CAST: variants seen among roughly 807,000 people sequenced by gnomAD.
The protein encoded by CAST is MIR583 host.
A neutral mutation model predicts 119.6 loss-of-function variants in CAST; 76 were observed. The ratio of observed to expected loss-of-function variants is 0.64; its 90% CI spans 0.53 to 0.77. CAST has a LOEUF of 0.77. Ranked by LOEUF, CAST falls within the 30% of genes least tolerant of loss-of-function variation. CAST has a pLI of 0.00. For synonymous variants in CAST, 319 were observed against 331.6 expected, an observed-to-expected ratio of 0.96 and a Z score of 0.41; for missense variants, 953 against 946.5, an observed-to-expected ratio of 1.01 and a Z score of -0.09.
chr5:96,420,222 G>A, the CAST span, among the ~76,000 whole-genome samples: 8 of 152,206 alleles, frequency 5.3e-5, no homozygotes, highest in Non-Finnish European at 8.8e-5. Flanking sequence ...AAATGGAATA[G>A]AGGCAGAGAG....
At chr5:96,189,635 G>C in the CAST span, among the ~76,000 whole-genome samples, 1 of 152,046 alleles carries the variant, frequency 6.6e-6, no homozygotes, top group African/African-American at 2.4e-5. Flanking sequence ...GAACTTTGTG[G>C]ATTGATACTT....
the CAST span, chr5:95,961,745 G>A: frequency 6.4e-7 from 1 of 1,572,410 alleles, no homozygotes; most frequent in South Asian, 1.1e-5. Context: ...GGGTGCCGCC[G>A]CCGCCGCCGC....
chr5:96,768,582 G>T (rs1210552725), intron 29 of CAST, among the ~76,000 whole-genome samples: 1 of 151,968 alleles, frequency 6.6e-6, no homozygotes, highest in Non-Finnish European at 1.5e-5. Context: ...TTTCTTAACT[G>T]CTACTTTGTA....
intron 6 of CAST, among the ~76,000 whole-genome samples, chr5:96,727,939 T>C (rs1423100957): frequency 6.6e-6 from 1 of 152,042 alleles, no homozygotes; most frequent in Non-Finnish European, 1.5e-5. Context: ...GGCTTAGGGA[T>C]GAGAATCTTT....
chr5:96,494,143 A>G, the CAST span, among the ~76,000 whole-genome samples: 1 of 152,248 alleles, frequency 6.6e-6, no homozygotes, highest in African/African-American at 2.4e-5. Flanking sequence ...AAGCAATTCC[A>G]AGCAAACAGA....
the CAST span, among the ~76,000 whole-genome samples, chr5:96,456,838 C>A: frequency 6.6e-6 from 1 of 152,266 alleles, no homozygotes; most frequent in African/African-American, 2.4e-5. Context: ...GGGTAGTTCC[C>A]CCATCCTGTT....
intron 1 of CAST, among the ~76,000 whole-genome samples, chr5:96,641,076 G>A (rs55731125): frequency 0.081 from 12,324 of 152,098 alleles, 673 homozygotes; most frequent in African/African-American, 0.14. Context: ...TTACCCATTA[G>A]TTAAATTTCT....
intron 1 of CAST, among the ~76,000 whole-genome samples, chr5:96,579,994 T>C (rs1746742181): frequency 6.6e-6 from 1 of 152,158 alleles, no homozygotes; most frequent in African/African-American, 2.4e-5. Flanking sequence ...GGTCAAGAGG[T>C]GATTATTTTG....
At chr5:96,704,403 TTGAAAGAA>T (rs1236134307) in intron 3 of CAST, among the ~76,000 whole-genome samples, 4 of 152,226 alleles carry the variant, frequency 2.6e-5, no homozygotes, top group Non-Finnish European at 4.4e-5. Flanking sequence ...AAGTAACAGT[TTGAAAGAA>T]TGAAACCAGA....
Position 96,741,515 on chromosome 5 carries a change from G to T in CAST, c.1033G>T (p.Ala345Ser). 1 of 1,613,446 alleles carries T rather than the reference G, an allele frequency of 6.2e-7. No individual in the cohort carries two copies. Among genetic ancestry groups the T allele is most frequent in the Admixed American group, 1.7e-5 (1 of 59,994 alleles). ...EKEESTEVLK[A>S]QSAGTVRSAA... ...TCAGGAATCTACAGAAGTTTTAAAA[G>T]CTCAGTCAGCAGGGACAGTCAGAAG... is the stretch of plus-strand genomic sequence containing the variant. Residue 345 changes from alanine (A) to serine (S), a missense_variant, in exon 15 of 32, where the codon GCT (alanine) becomes TCT (serine). Ala to Ser is a moderately conservative substitution (Grantham distance 99, BLOSUM62 1). Coordinates refer to ENST00000675179, the MANE Select transcript of CAST (RefSeq NM_001750.7).
intron 1 of CAST, among the ~76,000 whole-genome samples, chr5:96,569,533 A>G (rs1746536158): frequency 6.6e-6 from 1 of 152,130 alleles, no homozygotes; most frequent in African/African-American, 2.4e-5. Context: ...CTCATCCCAA[A>G]CATACCAGAC....
chr5:96,593,016 C>T (rs979174242), intron 1 of CAST, among the ~76,000 whole-genome samples: 11 of 152,206 alleles, frequency 7.2e-5, no homozygotes, highest in African/African-American at 2.7e-4. Context: ...CCGCCCGCCT[C>T]GGCCTCCCAA....
chr5:96,269,367 G>A, the CAST span, among the ~76,000 whole-genome samples: 1 of 151,994 alleles, frequency 6.6e-6, no homozygotes, highest in Non-Finnish European at 1.5e-5. Context: ...ATAAAAGTAG[G>A]GGATTCGACA....
intron 1 of CAST, among the ~76,000 whole-genome samples, chr5:96,625,841 G>T (rs1259921027): frequency 6.6e-6 from 1 of 152,144 alleles, no homozygotes; most frequent in African/African-American, 2.4e-5. Flanking sequence ...CACCGGCTGA[G>T]CATGGTGAAG....
the CAST span, among the ~76,000 whole-genome samples, chr5:95,982,292 AT>A: frequency 1.3e-5 from 2 of 150,756 alleles, no homozygotes; most frequent in Admixed American, 6.6e-5. Context: ...CATTTTCACC[AT>A]TTTCTACTTG....
chr5:96,520,340 G>C (rs543428978), upstream of CAST, among the ~76,000 whole-genome samples: 18 of 152,334 alleles, frequency 1.2e-4, no homozygotes, highest in Middle Eastern at 3.4e-3. Flanking sequence ...TCTGTCTGCT[G>C]TCTTCCTACA....
At chr5:96,201,639 C>G in the CAST span, among the ~76,000 whole-genome samples, 2 of 152,110 alleles carry the variant, frequency 1.3e-5, no homozygotes, top group African/African-American at 4.8e-5. Context: ...ATTTCAAACA[C>G]CTCGTAATCC....
the CAST span, among the ~76,000 whole-genome samples, chr5:96,040,449 C>T: frequency 1.3e-5 from 2 of 152,084 alleles, no homozygotes; most frequent in Non-Finnish European, 2.9e-5. Flanking sequence ...TTGTCTTGTG[C>T]CAGTTTTCAA....
chr5:96,147,100 G>C, the CAST span, among the ~76,000 whole-genome samples: 1 of 152,166 alleles, frequency 6.6e-6, no homozygotes, highest in African/African-American at 2.4e-5. Flanking sequence ...ATTATGCACA[G>C]CTGGAAGTGG....
Sources: gnomAD v4.1 joint callset for allele counts (sites outside exome capture counted in the v4.1 genomes callset) on GRCh38, gnomAD v4.1.1 for gene constraint, MANE v1.5 for transcripts, NCBI Gene and HGNC (gene_info 2026-07-23, HGNC 2026-07-21) for gene names.